GRK5: variants seen among roughly 807,000 people sequenced by gnomAD.
The protein encoded by GRK5 is g protein-coupled receptor kinase GRK5.
GRK5 carries 40 observed loss-of-function variants against 78.4 expected under a neutral mutation model. The ratio of observed to expected loss-of-function variants is 0.51; its 90% CI spans 0.40 to 0.66. GRK5 has a LOEUF of 0.66. Ranked by LOEUF, GRK5 falls within the 30% of genes least tolerant of loss-of-function variation. The pLI is 0.00. For synonymous variants in GRK5, 289 were observed against 296.8 expected (o/e 0.97, Z 0.27); for missense variants, 598 against 759.9 (o/e 0.79, Z 2.50).
intron 2 of GRK5, among the ~76,000 whole-genome samples, chr10:119,347,335 G>A (rs1378266342): frequency 6.6e-6 from 1 of 152,028 alleles, no homozygotes; most frequent in African/African-American, 2.4e-5. Flanking sequence ...ATATTTGTGA[G>A]TGTGCATGTG....
chr10:119,413,475 T>A (rs1281249979), intron 4 of GRK5, among the ~76,000 whole-genome samples: 1 of 151,722 alleles, frequency 6.6e-6, no homozygotes, highest in East Asian at 1.9e-4. Flanking sequence ...AGGAACATCA[T>A]CAGTTCATTC....
chr10:119,227,296 G>A (rs1473347004), intron 1 of GRK5, among the ~76,000 whole-genome samples: 7 of 152,110 alleles, frequency 4.6e-5, no homozygotes, highest in Admixed American at 4.6e-4. Context: ...GCTGGGCACG[G>A]TGGCTCATGC....
At chr10:119,326,077 C>T (rs1027294944) in intron 1 of GRK5, among the ~76,000 whole-genome samples, 2 of 152,238 alleles carry the variant, frequency 1.3e-5, no homozygotes, top group Admixed American at 6.5e-5. Context: ...GAAGGAGACT[C>T]TCCACAGAAA....
Position 119,395,008 on chromosome 10 carries a change from G to A in GRK5, c.262-1687G>A, listed in dbSNP as rs1370549641. Among the ~76,000 whole-genome samples, 2 of 151,100 alleles carry A rather than the reference G, an allele frequency of 1.3e-5. 1 individual carries two copies. Among genetic ancestry groups the A allele is most frequent in the Admixed American group, 1.3e-4 (2 of 14,940 alleles). The stretch of plus-strand genomic sequence containing the variant: ...TGCCCAGTCCCTCAAGGCTCATCTT[G>A]ATGTGGAAGAGGAGTTGACCTCTGG... On this transcript the variant is annotated intron_variant, in intron 3 of 15. Transcript: ENST00000392870.
rs1056070176 is a variant in GRK5, at chr10:119,452,894, G to A, written c.1542+86G>A. On this transcript the variant is annotated intron_variant, in intron 14 of 15. Transcript: ENST00000392870. The surrounding 1 kb of genome is among the most constrained non-coding windows in gnomAD (Gnocchi z 4.4). ...GAGGCGTCGGGAATATGAGTTTGGC[G>A]GCAGGAGGCTGAGCGCATGGTTTCT... 1.6e-5 allele frequency: 24 copies of A among 1,458,196 alleles called. No homozygotes were observed. The highest frequency in any genetic ancestry group is 1.9e-4 in the Middle Eastern group (1 of 5,256). 90.3% of individuals were successfully genotyped at this position (1,458,196 alleles called of 1,614,324 possible).
At chr10:119,321,773 G>C (rs772049489) in intron 1 of GRK5, among the ~76,000 whole-genome samples, 1 of 152,150 alleles carries the variant, frequency 6.6e-6, no homozygotes, top group East Asian at 1.9e-4. Context: ...TGAGGAAATA[G>C]GGTTGAGGAG....
intron 11 of GRK5, 119 bp downstream of exon 11, chr10:119,442,207 A>C: frequency 6.4e-6 from 5 of 784,056 alleles, no homozygotes; most frequent in South Asian, 1.5e-5. Context: ...CTGATCACAC[A>C]CAGAGTCACA....
rs568092218 is a variant in GRK5 at position 119,430,817 on chromosome 10, G to A, written c.597+379G>A. On this transcript the variant is annotated intron_variant, in intron 7 of 15. Transcript: ENST00000392870. This position sits in a 1 kb window ranked among gnomAD's most constrained non-coding sequence, Gnocchi z 4.5. ...GCTGTCATGCAAGATTCGAGATTTC[G>A]TTGTACATTACCCGATCTTCCCAGC... Among the ~76,000 whole-genome samples the A allele has an allele frequency of 1.3e-5, 2 of 152,196 alleles. No homozygotes were observed. The highest frequency in any genetic ancestry group is 4.2e-4 in the South Asian group (2 of 4,806).
intron 2 of GRK5, among the ~76,000 whole-genome samples, chr10:119,360,109 G>T (rs972304040): frequency 1.3e-5 from 2 of 151,334 alleles, no homozygotes; most frequent in African/African-American, 4.9e-5. Context: ...GAGGCCGAGG[G>T]AATCTGAGGG....
At chr10:119,391,651 G>T (rs61876090) in intron 3 of GRK5, among the ~76,000 whole-genome samples, 1 of 152,154 alleles carries the variant, frequency 6.6e-6, no homozygotes, top group Admixed American at 6.5e-5. Flanking sequence ...CGGGGACGGA[G>T]CCAGCAGAAA....
At chr10:119,432,224 GGAGGCTGGGAAATGTGAAGTGCATGGATA>G (rs551971092) in intron 8 of GRK5, among the ~76,000 whole-genome samples, 194 of 152,314 alleles carry the variant, frequency 1.3e-3, no homozygotes, top group African/African-American at 4.5e-3. Flanking sequence ...TAGTTTCAGG[GGAGGCTGGGAAATGTGAAGTGCATGGATA>G]TTTGGTCAGC....
In GRK5 at chr10:119,456,252, G is replaced by A. The variant is rs1357768743; in HGVS notation, c.*1185G>A. ...GGGTAGTCTCTCTGGGCAAATGAGA[G>A]GCCCAAGGAGAGACCAAGCCACCAA... On this transcript the variant is annotated 3_prime_UTR_variant, in exon 16 of 16. Transcript: ENST00000392870. The surrounding 1 kb of genome is among the most constrained non-coding windows in gnomAD (Gnocchi z 5.5). 1 of 152,174 alleles carries A rather than the reference G, an allele frequency of 6.6e-6. No individual in the cohort carries two copies. The highest frequency in any genetic ancestry group is 2.4e-5 in the African/African-American group (1 of 41,434). The allele number at this position is 152,174 out of a possible 1,614,324, so 9.4% of individuals were successfully genotyped here.
chr10:119,261,093 T>C (rs1202045367), intron 1 of GRK5, among the ~76,000 whole-genome samples: 1 of 100,460 alleles, frequency 1.0e-5, no homozygotes, highest in African/African-American at 3.6e-5. Context: ...CGCTCCTCAC[T>C]TCCCAGACTG....
At chr10:119,337,773 C>T (rs987724260) in intron 2 of GRK5, among the ~76,000 whole-genome samples, 7 of 152,158 alleles carry the variant, frequency 4.6e-5, no homozygotes, top group African/African-American at 1.4e-4. Flanking sequence ...GCACCCGCCA[C>T]TGTGCCCGGC....
intron 2 of GRK5, among the ~76,000 whole-genome samples, chr10:119,365,938 A>G (rs1271666777): frequency 6.6e-6 from 1 of 152,192 alleles, no homozygotes; most frequent in Non-Finnish European, 1.5e-5. Context: ...TGGGTCATGA[A>G]TTCATTCATT....
At chr10:119,441,869 A>AT (rs981370320) in intron 10 of GRK5, 130 bp from the exon 11 acceptor site, 6 of 684,408 alleles carry the variant, frequency 8.8e-6, no homozygotes, top group Admixed American at 6.5e-5. Context: ...GAGATGGCAG[A>AT]TTGGGGTCCC....
At chr10:119,376,561 C>CTTTTT (rs3064490) in intron 2 of GRK5, among the ~76,000 whole-genome samples, 1 of 104,324 alleles carries the variant, frequency 9.6e-6, no homozygotes, top group Non-Finnish European at 1.9e-5. Context: ...TCCCTAATGC[C>CTTTTT]TTTTTTTTTT....
intron 15 of GRK5, among the ~76,000 whole-genome samples, chr10:119,453,752 T>C (rs1458878531): frequency 6.6e-6 from 1 of 152,186 alleles, no homozygotes; most frequent in African/African-American, 2.4e-5. Flanking sequence ...ATATAAAGAC[T>C]GAACATCATA....
intron 2 of GRK5, among the ~76,000 whole-genome samples, chr10:119,371,841 T>C (rs1029151765): frequency 6.6e-6 from 1 of 152,248 alleles, no homozygotes; most frequent in African/African-American, 2.4e-5. Context: ...TGGCACCTAC[T>C]GTGTGCTGAG....
Sources: allele counts gnomAD v4.1 joint callset (sites outside exome capture counted in the v4.1 genomes callset), GRCh38; gene constraint gnomAD v4.1.1; non-coding constraint Gnocchi (gnomAD v3.1); transcripts MANE v1.5; gene names NCBI Gene and HGNC (gene_info 2026-07-23, HGNC 2026-07-21).